MIOS: variants seen among roughly 807,000 people sequenced by gnomAD.
MIOS encodes GATOR2 complex protein MIOS.
Under a neutral mutation model 96.9 loss-of-function variants are expected in MIOS, and 52 were observed. The observed-to-expected ratio is 0.54, with a 90% CI of 0.43 to 0.68. The LOEUF (loss-of-function observed/expected upper bound fraction) is 0.68, where lower values mean the gene tolerates loss of function less well. Among genes scored for constraint, MIOS ranks in the 30% least tolerant of loss-of-function variants. The pLI, the probability that MIOS is intolerant of heterozygous loss-of-function variation, is 0.00. For missense variants in MIOS, 1,005 were observed against 1,052.8 expected (o/e 0.95, Z 0.63); for synonymous variants, 397 against 359.5 (o/e 1.10, Z -1.18).
rs1197991137 is a variant in MIOS at position 7,588,969 on chromosome 7, G to T, written c.1884+406G>T. Among the ~76,000 whole-genome samples the T allele has an allele frequency of 2.6e-5, 4 of 152,056 alleles. 1 individual carries two copies. Among genetic ancestry groups the T allele is most frequent in the Non-Finnish European group, 5.9e-5 (4 of 67,968 alleles). The stretch of plus-strand genomic sequence containing the variant: ...TACTATAATAATGAAAAATGCTGGG[G>T]AAAGATGGAGGAATCTTGGCAAGAG... On this transcript the variant is annotated intron_variant, in intron 8 of 12. Coordinates refer to ENST00000340080, the MANE Select transcript of MIOS (RefSeq NM_019005.4).
At chr7:7,591,863 G>A (rs1412905500) in intron 9 of MIOS, among the ~76,000 whole-genome samples, 2 of 151,836 alleles carry the variant, frequency 1.3e-5, no homozygotes, top group Admixed American at 6.6e-5. Flanking sequence ...AATCTTATTC[G>A]GTTTTTCTTC....
chr7:7,607,984 T>C lies in MIOS; in HGVS notation c.*892T>C, dbSNP rs563575221. On this transcript the variant is annotated 3_prime_UTR_variant, in exon 13 of 13. Coordinates refer to ENST00000340080, the MANE Select transcript of MIOS (RefSeq NM_019005.4). ...AGATTATATGTAACTAGCCATTTAG[T>C]ATAATCTATGTCAGTGTTTCTGTGC... The C allele has an allele frequency of 3.3e-5, 5 of 152,276 alleles. No individual in the cohort carries two copies. The highest frequency in any genetic ancestry group is 1.2e-4 in the African/African-American group (5 of 41,570). The allele number at this position is 152,276 out of a possible 1,614,324, so 9.4% of individuals were successfully genotyped here. A position where few individuals can be genotyped will look rare whatever the true frequency, so the allele number is the denominator to read the frequency against.
intron 5 of MIOS, among the ~76,000 whole-genome samples, chr7:7,581,442 T>C (rs943912119): frequency 1.3e-5 from 2 of 152,232 alleles, no homozygotes; most frequent in Admixed American, 6.5e-5. Flanking sequence ...ACTTTGGTAG[T>C]GTATTTTCAT....
chr7:7,608,664 T>C lies in MIOS; in HGVS notation c.*1572T>C, dbSNP rs1265231534. The C allele has an allele frequency of 6.6e-6, 1 of 152,092 alleles. No homozygotes were observed. Among genetic ancestry groups the C allele is most frequent in the East Asian group, 1.9e-4 (1 of 5,204 alleles). The allele number at this position is 152,092 out of a possible 1,614,324, so 9.4% of individuals were successfully genotyped here. A position where few individuals can be genotyped will look rare whatever the true frequency, so the allele number is the denominator to read the frequency against. On this transcript the variant is annotated 3_prime_UTR_variant, in exon 13 of 13. Coordinates refer to ENST00000340080, the MANE Select transcript of MIOS (RefSeq NM_019005.4). The stretch of plus-strand genomic sequence containing the variant: ...TAACATATACCCTTTACCTTTAATA[T>C]TTCATTTGAAGTGTTCCTTTCAAAC...
intron 6 of MIOS, among the ~76,000 whole-genome samples, chr7:7,584,491 T>C (rs75978295): frequency 0.1 from 15,375 of 152,238 alleles, 852 homozygotes; most frequent in Middle Eastern, 0.23. Flanking sequence ...AACATTCTTT[T>C]CCATTTAGAA....
chr7:7,595,174 G>A, intron 10 of MIOS, 42 bp downstream of exon 10: 1 of 1,568,746 alleles, frequency 6.4e-7, no homozygotes, highest in Non-Finnish European at 8.6e-7. Flanking sequence ...GTAACATGTT[G>A]ATGTTCAATT....
chr7:7,572,348 G>C lies in MIOS; in HGVS notation c.-40-88G>C, dbSNP rs924259730. On this transcript the variant is annotated intron_variant, in intron 3 of 12. Coordinates refer to ENST00000340080, the MANE Select transcript of MIOS (RefSeq NM_019005.4). The surrounding 1 kb of genome is among the most constrained non-coding windows in gnomAD (Gnocchi z 4.8). ...TTGAAAAAGAGGGTTCTTGAATAGA[G>C]AATTTTCTGACTTTCTGAATAGTTT... 7 of 617,568 alleles carry C rather than the reference G, an allele frequency of 1.1e-5. No individual in the cohort carries two copies. Among genetic ancestry groups the C allele is most frequent in the Non-Finnish European group, 1.9e-5 (7 of 377,320 alleles). 38.3% of individuals were successfully genotyped at this position (617,568 alleles called of 1,614,324 possible). A position where few individuals can be genotyped will look rare whatever the true frequency, so the allele number is the denominator to read the frequency against.
rs529262057 is a variant in MIOS at position 7,575,997 on chromosome 7, C to T, written c.1393+1801C>T. ...CAGTCTTCTGTTTTATTTGGCCATA[C>T]CTTTTCCTCTAATTGTATCTCTAAT... is the stretch of plus-strand genomic sequence containing the variant. On this transcript the variant is annotated intron_variant, in intron 5 of 12. Transcript: ENST00000340080. Among the ~76,000 whole-genome samples the T allele has an allele frequency of 1.1e-4, 16 of 152,080 alleles. No homozygotes were observed. In the East Asian group the frequency reaches 2.9e-3, roughly 28 times the overall value.
In MIOS at chr7:7,606,986, A is replaced by G. The variant is rs745349898; in HGVS notation, c.2532-10A>G. 18 of 1,597,676 alleles carry G rather than the reference A, an allele frequency of 1.1e-5. No homozygotes were observed. Among genetic ancestry groups the G allele is most frequent in the East Asian group, 2.2e-5 (1 of 44,614 alleles). On this transcript the variant is annotated splice_polypyrimidine_tract_variant and intron_variant, in intron 12 of 12. Coordinates refer to ENST00000340080, the MANE Select transcript of MIOS (RefSeq NM_019005.4). ...TGGATTTTTAACTGTTATTTGACCT[A>G]TTTTTTTAGGGACCATGCAGAGTGC...
intron 9 of MIOS, among the ~76,000 whole-genome samples, chr7:7,594,236 G>A (rs964835798): frequency 5.9e-5 from 9 of 151,942 alleles, no homozygotes; most frequent in East Asian, 1.9e-4. Context: ...TCAGTTCACC[G>A]TGCATTGCTA....
intron 11 of MIOS, among the ~76,000 whole-genome samples, chr7:7,599,130 A>G (rs754430651): frequency 3.3e-5 from 5 of 152,178 alleles, no homozygotes; most frequent in South Asian, 2.1e-4. Context: ...TGTCATTTCA[A>G]AGTCTCTAAA....
intron 5 of MIOS, 132 bp downstream of exon 5, chr7:7,574,328 G>T: frequency 1.7e-6 from 1 of 604,796 alleles, no homozygotes; most frequent in Non-Finnish European, 2.8e-6. Context: ...TTTCTGATTG[G>T]ATATTTCATT....
At chr7:7,575,438 TATAA>T (rs1240678018) in intron 5 of MIOS, among the ~76,000 whole-genome samples, 1 of 152,134 alleles carries the variant, frequency 6.6e-6, no homozygotes, top group Non-Finnish European at 1.5e-5. Flanking sequence ...TAACCTTTAT[TATAA>T]ATAGTAAAAT....
At chr7:7,604,365 AT>A (rs769861996) in intron 11 of MIOS, among the ~76,000 whole-genome samples, 123 of 152,150 alleles carry the variant, frequency 8.1e-4, no homozygotes, top group Non-Finnish European at 1.4e-3. Context: ...GAGAGTTGAT[AT>A]TTTTATACTC....
At chr7:7,599,334 A>G (rs1215072381) in intron 11 of MIOS, among the ~76,000 whole-genome samples, 1 of 152,164 alleles carries the variant, frequency 6.6e-6, no homozygotes, top group Non-Finnish European at 1.5e-5. Flanking sequence ...AGGTGTACAT[A>G]TTTGCTACTT....
intron 6 of MIOS, among the ~76,000 whole-genome samples, 164 bp downstream of exon 6, chr7:7,583,536 A>G (rs1465312169): frequency 6.6e-6 from 1 of 152,144 alleles, no homozygotes; most frequent in African/African-American, 2.4e-5. Flanking sequence ...ATAACAGTAA[A>G]TACTTAGCTC....
In MIOS at chr7:7,583,246, G is replaced by T. The variant is rs373189182; in HGVS notation, c.1522G>T (p.Val508Leu). The change falls in exon 6 of 13, where the codon GTG becomes TTG. Residue 508 changes from valine (V) to leucine (L), a missense_variant. Transcript: ENST00000340080. The part of the protein sequence containing the change: ...GWIKKGTDVD[V>L]GPFLNSLVQE... The stretch of plus-strand genomic sequence containing the variant: ...GATAAAGAAAGGAACGGATGTAGAC[G>T]TGGGGCCATTTTTGAACTCCCTTGT... 8 of 1,613,978 alleles carry T rather than the reference G, an allele frequency of 5.0e-6. No homozygotes were observed. The African/African-American group carries it at 8.0e-5, about 16-fold the overall frequency.
intron 11 of MIOS, chr7:7,605,434 A>T (rs746800198): frequency 6.6e-6 from 1 of 152,490 alleles, no homozygotes; most frequent in African/African-American, 2.4e-5. Flanking sequence ...AGGTGGGACT[A>T]CAGGCATGTG....
In MIOS at chr7:7,573,427, G is replaced by A. The variant is rs745979989; in HGVS notation, c.952G>A (p.Val318Met). 1.2e-6 allele frequency: 2 copies of A among 1,614,092 alleles called. No individual in the cohort carries two copies. Among genetic ancestry groups the A allele is most frequent in the Admixed American group, 1.7e-5 (1 of 60,022 alleles). The change falls in exon 4 of 13, where the codon GTG becomes ATG. Residue 318 changes from valine to methionine, a missense_variant. Val to Met is a conservative substitution (Grantham distance 21, BLOSUM62 1). Coordinates refer to ENST00000340080, the MANE Select transcript of MIOS (RefSeq NM_019005.4). The surrounding 1 kb of genome is among the most constrained non-coding windows in gnomAD (Gnocchi z 5.0). ...ETEPTIIERS[V>M]QPCDNYIASF... is the part of the protein sequence containing the mutation. The stretch of plus-strand genomic sequence containing the variant: ...TGAACCCACAATAATTGAAAGAAGT[G>A]TGCAACCTTGTGACAATTACATTGC...
Sources: allele counts gnomAD v4.1 joint callset (sites outside exome capture counted in the v4.1 genomes callset), GRCh38; gene constraint gnomAD v4.1.1; non-coding constraint Gnocchi (gnomAD v3.1); transcripts MANE v1.5; gene names NCBI Gene and HGNC (gene_info 2026-07-23, HGNC 2026-07-21).